Variants in MAP3K20 observed in about 807,000 individuals in gnomAD.
MAP3K20 encodes mitogen-activated protein kinase kinase kinase 20.
In MAP3K20, 40 loss-of-function variants were observed where a neutral mutation model predicts 85.7. That is an observed-to-expected ratio of 0.47 (90% confidence interval 0.36 to 0.61). MAP3K20 has a LOEUF of 0.61. MAP3K20 is among the 20% of genes least tolerant of loss of function. MAP3K20 has a pLI of 0.00. For synonymous variants in MAP3K20, 325 were observed against 327.7 expected (o/e 0.99, Z 0.09); for missense variants, 817 against 961.7 (o/e 0.85, Z 1.99).
chr2:173,170,977 C>T (rs887770930), intron 3 of MAP3K20, among the ~76,000 whole-genome samples: 3 of 152,084 alleles, frequency 2.0e-5, no homozygotes, highest in Admixed American at 6.5e-5. Flanking sequence ...CATCTTCTGG[C>T]GGCAGGTAGT....
chr2:173,148,817 G>C (rs1031631170), intron 2 of MAP3K20, among the ~76,000 whole-genome samples: 3 of 152,164 alleles, frequency 2.0e-5, no homozygotes, highest in Non-Finnish European at 4.4e-5. Flanking sequence ...TGACTGTATA[G>C]CTCTGAGGTG....
chr2:173,201,339 G>A (rs1691053907), intron 8 of MAP3K20, among the ~76,000 whole-genome samples: 1 of 152,104 alleles, frequency 6.6e-6, no homozygotes, highest in Non-Finnish European at 1.5e-5. Context: ...GGAACAGATG[G>A]ATATATTTGC....
At chr2:173,140,785 T>A (rs551956826) in intron 2 of MAP3K20, among the ~76,000 whole-genome samples, 2 of 152,150 alleles carry the variant, frequency 1.3e-5, no homozygotes, top group Non-Finnish European at 2.9e-5. Context: ...TAGGAATCAC[T>A]TGAATGTACG....
chr2:173,209,899 A>G, intron 10 of MAP3K20, 64 bp downstream of exon 10: 3 of 1,358,048 alleles, frequency 2.2e-6, no homozygotes, highest in East Asian at 2.3e-5. Context: ...GTCTCAATGA[A>G]GAAGTGAACC....
At chr2:173,225,369 G>A (rs575250243) in intron 11 of MAP3K20, 98 of 233,278 alleles carry the variant, frequency 4.2e-4, no homozygotes, top group Non-Finnish European at 5.4e-4. Flanking sequence ...CAAGGTGGGC[G>A]GATCACCTGA....
intron 14 of MAP3K20, among the ~76,000 whole-genome samples, chr2:173,235,957 T>G (rs1684637783): frequency 6.6e-6 from 1 of 151,910 alleles, no homozygotes; most frequent in African/African-American, 2.4e-5. Context: ...AGCTTTAAGA[T>G]AGAATCGGTG....
chr2:173,262,033 A>T (rs900139649), intron 18 of MAP3K20, among the ~76,000 whole-genome samples: 24 of 151,132 alleles, frequency 1.6e-4, no homozygotes, highest in African/African-American at 5.8e-4. Context: ...AAAAAAAAAA[A>T]TACTGAAAGA....
intron 16 of MAP3K20, among the ~76,000 whole-genome samples, chr2:173,247,195 G>A (rs1314351984): frequency 6.6e-6 from 1 of 152,078 alleles, no homozygotes; most frequent in Admixed American, 6.5e-5. Flanking sequence ...TAAAAATTCG[G>A]CTTTTTACAA....
intron 19 of MAP3K20, among the ~76,000 whole-genome samples, chr2:173,265,293 G>A (rs768847742): frequency 3.3e-5 from 5 of 152,224 alleles, no homozygotes; most frequent in Non-Finnish European, 5.9e-5. Flanking sequence ...GTTCAGGCTC[G>A]GGGGAAAACA....
intron 2 of MAP3K20, among the ~76,000 whole-genome samples, chr2:173,109,136 A>G (rs1687870892): frequency 6.6e-6 from 1 of 152,210 alleles, no homozygotes; most frequent in African/African-American, 2.4e-5. Context: ...AGCTCAGCAG[A>G]TACGTGATAT....
chr2:173,224,147 C>T (rs1266489940), intron 11 of MAP3K20: 46 of 860,092 alleles, frequency 5.3e-5, no homozygotes, highest in Non-Finnish European at 5.9e-5. Context: ...AAAATGAAGC[C>T]GGGAAGGAGG....
At chr2:173,223,375 G>C in intron 11 of MAP3K20, 2 of 900,486 alleles carry the variant, frequency 2.2e-6, no homozygotes, top group African/African-American at 1.8e-5. Flanking sequence ...TCATTGTGCG[G>C]ATTAAAAGAA....
chr2:173,222,638 A>G (rs1192672596), intron 11 of MAP3K20: 1 of 985,350 alleles, frequency 1.0e-6, no homozygotes, highest in African/African-American at 1.7e-5. Context: ...GCATATGCTC[A>G]GCTATTTTAA....
At chr2:173,225,857 C>T (rs1034048250) in intron 11 of MAP3K20, 1 of 983,836 alleles carries the variant, frequency 1.0e-6, no homozygotes, top group Non-Finnish European at 1.2e-6. Context: ...CTTGATGAAA[C>T]AGCCAAATGC....
At chr2:173,253,121 C>A (rs560638352) in intron 16 of MAP3K20, among the ~76,000 whole-genome samples, 1 of 152,282 alleles carries the variant, frequency 6.6e-6, no homozygotes, top group Admixed American at 6.5e-5. Flanking sequence ...CTGCCCACTC[C>A]AGCAGGGTCC....
At chr2:173,252,067 T>C (rs994898827) in intron 16 of MAP3K20, among the ~76,000 whole-genome samples, 5 of 152,260 alleles carry the variant, frequency 3.3e-5, no homozygotes, top group African/African-American at 1.2e-4. Context: ...CCTTTTAATC[T>C]CTTTTCCTCT....
intron 1 of MAP3K20, among the ~76,000 whole-genome samples, chr2:173,077,849 ATC>A (rs1482522830): frequency 6.6e-6 from 1 of 152,244 alleles, no homozygotes; most frequent in Non-Finnish European, 1.5e-5. Flanking sequence ...ATGGTCAAAG[ATC>A]TTGGGAACTA....
intron 2 of MAP3K20, among the ~76,000 whole-genome samples, chr2:173,125,520 T>A (rs973019717): frequency 6.6e-5 from 10 of 152,154 alleles, no homozygotes; most frequent in African/African-American, 9.6e-5. Context: ...GTTTTTTTTT[T>A]AAATAAAACT....
chr2:173,113,532 T>G (rs1688033234), intron 2 of MAP3K20, among the ~76,000 whole-genome samples: 1 of 152,182 alleles, frequency 6.6e-6, no homozygotes, highest in African/African-American at 2.4e-5. Context: ...CATTTAGGGC[T>G]ATGAACTTTC....
Sources: allele counts gnomAD v4.1 joint callset (sites outside exome capture counted in the v4.1 genomes callset), GRCh38; gene constraint gnomAD v4.1.1; transcripts MANE v1.5; gene names NCBI Gene and HGNC (gene_info 2026-07-23, HGNC 2026-07-21).